The following TRIM24 variants were observed in gnomAD, a reference collection of about 807,000 sequenced individuals.
The protein encoded by TRIM24 is tripartite motif containing 24, also known as transcription intermediary factor 1-alpha.
A neutral mutation model predicts 123.9 loss-of-function variants in TRIM24; 29 were observed. That is an observed-to-expected ratio of 0.23 (90% CI 0.17 to 0.32). The LOEUF is 0.32. Ranked by LOEUF, TRIM24 falls within the 10% of genes least tolerant of loss-of-function variation. The pLI, the probability that TRIM24 is intolerant of heterozygous loss-of-function variation, is 1.00. For synonymous variants in TRIM24, 456 were observed against 461.1 expected (o/e 0.99, Z 0.14); for missense variants, 932 against 1,295.3 (o/e 0.72, Z 4.31).
At chr7:138,570,793 G>C in intron 10 of TRIM24, 37 bp from the exon 11 acceptor site, 1 of 1,605,864 alleles carries the variant, frequency 6.2e-7, no homozygotes, top group Non-Finnish European at 8.5e-7. Flanking sequence ...TTATAAGCTT[G>C]TTGATAGCCT....
Position 138,538,809 on chromosome 7 carries a change from A to C in TRIM24, c.1143+6A>C. The C allele has an allele frequency of 6.2e-7, 1 of 1,613,362 alleles. No homozygotes were observed. The highest frequency in any genetic ancestry group is 8.5e-7 in the Non-Finnish European group (1 of 1,179,602). On this transcript the variant is annotated splice_donor_region_variant and intron_variant, in intron 7 of 18. Coordinates refer to ENST00000343526, the MANE Select transcript of TRIM24 (RefSeq NM_015905.3). ...TACTTTATAGCAAACGACTGGTAAG[A>C]TAAAGTATGCTATTTAATATACTGT...
intron 9 of TRIM24, among the ~76,000 whole-genome samples, chr7:138,564,868 G>A (rs963504476): frequency 2.6e-5 from 4 of 152,178 alleles, no homozygotes; most frequent in Non-Finnish European, 5.9e-5. Context: ...AATGGGGTGG[G>A]TTTTGACGAC....
At chr7:138,493,745 G>A (rs957356668) in intron 1 of TRIM24, among the ~76,000 whole-genome samples, 3 of 152,090 alleles carry the variant, frequency 2.0e-5, no homozygotes, top group Non-Finnish European at 2.9e-5. Flanking sequence ...AGCCATTCTA[G>A]GAACGCTGTC....
chr7:138,535,921 A>G (rs1796860913), intron 6 of TRIM24, among the ~76,000 whole-genome samples: 1 of 150,588 alleles, frequency 6.6e-6, no homozygotes, highest in Admixed American at 6.6e-5. Context: ...GTTTCTTTTT[A>G]CTCTTTTTTC....
At chr7:138,515,736 A>G (rs1396442860) in intron 3 of TRIM24, among the ~76,000 whole-genome samples, 1 of 152,144 alleles carries the variant, frequency 6.6e-6, no homozygotes, top group African/African-American at 2.4e-5. Flanking sequence ...GCATCATGAT[A>G]TTTGTCTGAT....
At chr7:138,502,224 A>G (rs1305221204) in intron 1 of TRIM24, among the ~76,000 whole-genome samples, 1 of 152,198 alleles carries the variant, frequency 6.6e-6, no homozygotes, top group African/African-American at 2.4e-5. Flanking sequence ...GCTGGACGGT[A>G]CAGGGCTTAC....
At chr7:138,496,764 G>A (rs75000877) in intron 1 of TRIM24, among the ~76,000 whole-genome samples, 4,190 of 151,972 alleles carry the variant, frequency 0.028, 86 homozygotes, top group Middle Eastern at 0.041. Context: ...GCCTCGCAAA[G>A]CACTGGGATT....
rs770349633 is a variant in TRIM24, at chr7:138,585,987, G to GAATT, written c.*1040_*1043dup. The stretch of plus-strand genomic sequence containing the variant: ...GATTTTGGGAGCAGGCAGCTGGGGG[G>GAATT]AATTAATAGTGATTTTTTTTTTTTC... On this transcript the variant is annotated 3_prime_UTR_variant, in exon 19 of 19. Coordinates refer to ENST00000343526, the MANE Select transcript of TRIM24 (RefSeq NM_015905.3). 2.2e-6 allele frequency: 1 copy of GAATT among 460,604 alleles called. No homozygotes were observed. Among genetic ancestry groups the GAATT allele is most frequent in the African/African-American group, 2.0e-5 (1 of 48,812 alleles). The allele number at this position is 460,604 out of a possible 1,614,324, so 28.5% of individuals were successfully genotyped here. A position where few individuals can be genotyped will look rare whatever the true frequency, so the allele number is the denominator to read the frequency against.
chr7:138,572,827 A>G (rs1056127197), intron 11 of TRIM24, among the ~76,000 whole-genome samples: 3 of 152,218 alleles, frequency 2.0e-5, no homozygotes, highest in African/African-American at 7.2e-5. Context: ...CTTACTCATT[A>G]GGGATTTGTA....
intron 1 of TRIM24, among the ~76,000 whole-genome samples, chr7:138,495,872 C>T (rs553910859): frequency 1.3e-5 from 2 of 152,212 alleles, no homozygotes; most frequent in Admixed American, 6.5e-5. Context: ...TCTCTCAGTC[C>T]ATCCTTTTGA....
chr7:138,583,235 G>T (rs1159032328), intron 17 of TRIM24, among the ~76,000 whole-genome samples: 3 of 152,152 alleles, frequency 2.0e-5, no homozygotes, highest in East Asian at 3.9e-4. Flanking sequence ...TACTAGAAAT[G>T]ATATTCTTCC....
Position 138,541,281 on chromosome 7 carries a change from G to A in TRIM24, c.1143+2478G>A, listed in dbSNP as rs77946910. Among the ~76,000 whole-genome samples, 29 of 152,004 alleles carry A rather than the reference G, an allele frequency of 1.9e-4. No homozygotes were observed. The East Asian group carries it at 5.1e-3, about 27-fold the overall frequency. ...CTGCGCCACAGGGTGAGACCCTGTC[G>A]CTACCAAAAGGAGAAAAAAAAAGAC... On this transcript the variant is annotated intron_variant, in intron 7 of 18. Coordinates refer to ENST00000343526, the MANE Select transcript of TRIM24 (RefSeq NM_015905.3).
intron 4 of TRIM24, among the ~76,000 whole-genome samples, chr7:138,521,236 G>A (rs1400638718): frequency 6.6e-6 from 1 of 152,094 alleles, no homozygotes; most frequent in African/African-American, 2.4e-5. Context: ...TGGAGCAATA[G>A]GTATGAGTAA....
chr7:138,485,896 A>G (rs1795634816), intron 1 of TRIM24, among the ~76,000 whole-genome samples: 2 of 152,152 alleles, frequency 1.3e-5, no homozygotes, highest in African/African-American at 4.8e-5. Flanking sequence ...CTAGTTCTAG[A>G]TCCTTGAGGA....
At chr7:138,503,323 A>G (rs1002192045) in intron 1 of TRIM24, among the ~76,000 whole-genome samples, 1 of 152,162 alleles carries the variant, frequency 6.6e-6, no homozygotes, top group Admixed American at 6.5e-5. Flanking sequence ...CTTTACCATC[A>G]TGAACATGCT....
intron 1 of TRIM24, among the ~76,000 whole-genome samples, chr7:138,487,155 A>G (rs891695633): frequency 4.6e-5 from 7 of 152,206 alleles, no homozygotes; most frequent in Non-Finnish European, 8.8e-5. Context: ...TTATTGGCGT[A>G]TAAGAATGCT....
intron 1 of TRIM24, among the ~76,000 whole-genome samples, chr7:138,466,458 A>T (rs1795140391): frequency 1.9e-5 from 1 of 52,552 alleles, no homozygotes; most frequent in Non-Finnish European, 4.0e-5. Flanking sequence ...TCAAAACTTA[A>T]GTTGCTTTTT....
intron 4 of TRIM24, among the ~76,000 whole-genome samples, chr7:138,523,843 C>T (rs2116573987): frequency 1.3e-5 from 2 of 151,780 alleles, no homozygotes; most frequent in East Asian, 3.9e-4. Flanking sequence ...TATATGAAGC[C>T]AGCATAACCT....
rs1209307303 is a variant in TRIM24, at chr7:138,585,426, C to T, written c.*475C>T. 1 of 263,578 alleles carries T rather than the reference C, an allele frequency of 3.8e-6. No individual in the cohort carries two copies. Among genetic ancestry groups the T allele is most frequent in the East Asian group, 7.0e-5 (1 of 14,354 alleles). 16.3% of individuals were successfully genotyped at this position (263,578 alleles called of 1,614,324 possible). A position where few individuals can be genotyped will look rare whatever the true frequency, so the allele number is the denominator to read the frequency against. ...GGCCTGACAATATGAATTAGGTGTA[C>T]TGTACTGAAGAACAGTACTCCACAA... On this transcript the variant is annotated 3_prime_UTR_variant, in exon 19 of 19. Coordinates refer to ENST00000343526, the MANE Select transcript of TRIM24 (RefSeq NM_015905.3).
Sources: gnomAD v4.1 joint callset for allele counts (sites outside exome capture counted in the v4.1 genomes callset) on GRCh38, gnomAD v4.1.1 for gene constraint, MANE v1.5 for transcripts, NCBI Gene and HGNC (gene_info 2026-07-23, HGNC 2026-07-21) for gene names.